LSP1: variants seen among roughly 807,000 people sequenced by gnomAD.
LSP1 encodes the protein lymphocyte specific protein 1.
Under a neutral mutation model 49.3 loss-of-function variants are expected in LSP1, and 32 were observed. The ratio of observed to expected loss-of-function variants is 0.65; its 90% CI spans 0.49 to 0.87. The LOEUF (loss-of-function observed/expected upper bound fraction) is 0.87, where lower values mean the gene tolerates loss of function less well. Ranked by LOEUF, LSP1 falls within the 40% of genes least tolerant of loss-of-function variation. LSP1 has a pLI of 0.00. For synonymous variants in LSP1, 179 were observed against 178.8 expected (o/e 1.00, Z -0.01); for missense variants, 428 against 442.6 (o/e 0.97, Z 0.30).
At chr11:1,862,778 G>GACCTTACCTCCCCTAGGTA (rs1847676710) in intron 1 of LSP1, among the ~76,000 whole-genome samples, 1 of 20,070 alleles carries the variant, frequency 5.0e-5, no homozygotes, top group Non-Finnish European at 1.0e-4. Flanking sequence ...TCCCCTGGGT[G>GACCTTACCTCCCCTAGGTA]ATCTCACCTC....
At chr11:1,885,096 A>C (rs922264672) in intron 7 of LSP1, among the ~76,000 whole-genome samples, 10 of 150,778 alleles carry the variant, frequency 6.6e-5, no homozygotes. Context: ...CCTCCATCCA[A>C]TACTACTCCA....
intron 1 of LSP1, among the ~76,000 whole-genome samples, chr11:1,859,047 G>A (rs767149283): frequency 1.3e-5 from 2 of 152,184 alleles, no homozygotes; most frequent in Non-Finnish European, 2.9e-5. Context: ...TGTATCCCCC[G>A]GCAGGAGGAG....
At chr11:1,869,662 A>G (rs545976654) in intron 1 of LSP1, 14 of 456,808 alleles carry the variant, frequency 3.1e-5, no homozygotes, top group Non-Finnish European at 6.2e-5. Context: ...TTGGTGCTCC[A>G]AAGACGGGCG....
intron 1 of LSP1, among the ~76,000 whole-genome samples, chr11:1,858,845 C>T (rs942476603): frequency 2.6e-5 from 4 of 152,180 alleles, no homozygotes; most frequent in African/African-American, 4.8e-5. Flanking sequence ...CCACCCAGCA[C>T]GGCCCCACCA....
chr11:1,889,401 G>T, intron 10 of LSP1: 1 of 693,274 alleles, frequency 1.4e-6, no homozygotes. Flanking sequence ...GGAGGTCCGG[G>T]AGGCGGGGGC....
chr11:1,875,649 G>A (rs1848275963), intron 1 of LSP1, among the ~76,000 whole-genome samples: 1 of 152,246 alleles, frequency 6.6e-6, no homozygotes, highest in South Asian at 2.1e-4. Flanking sequence ...GGACTACAAG[G>A]AAAGGGGTTG....
At chr11:1,858,273 G>T (rs1007773888) in intron 1 of LSP1, among the ~76,000 whole-genome samples, 13 of 152,136 alleles carry the variant, frequency 8.5e-5, no homozygotes, top group Non-Finnish European at 8.8e-5. Context: ...GAGGGAGCTG[G>T]GCTGGGCTGC....
At chr11:1,867,401 C>T (rs1847831048) in intron 1 of LSP1, among the ~76,000 whole-genome samples, 1 of 150,702 alleles carries the variant, frequency 6.6e-6, no homozygotes, top group African/African-American at 2.4e-5. Flanking sequence ...GTACTGCGCT[C>T]ACCACCACTG....
At chr11:1,853,365 G>T (rs1405576793) in intron 1 of LSP1, among the ~76,000 whole-genome samples, 168 bp downstream of exon 1, 1 of 152,246 alleles carries the variant, frequency 6.6e-6, no homozygotes, top group Non-Finnish European at 1.5e-5. Flanking sequence ...ACAGGTGGCA[G>T]GAAGTCTTGC....
chr11:1,875,420 C>T (rs1848267950), intron 1 of LSP1, among the ~76,000 whole-genome samples: 2 of 152,212 alleles, frequency 1.3e-5, no homozygotes, highest in South Asian at 2.1e-4. Context: ...TGAGGGTCAC[C>T]CATCCGGCTC....
At position 1,884,054 on chromosome 11, in the gene LSP1, C is replaced by A; in HGVS notation, c.591+30C>A. The A allele has an allele frequency of 1.3e-6, 2 of 1,588,134 alleles. No individual in the cohort carries two copies. Among genetic ancestry groups the A allele is most frequent in the Middle Eastern group, 1.7e-4 (1 of 5,950 alleles). ...GTTAAGCTGCAAAGCCTGCCATCTT[C>A]TCCCCTCTCCCGTACTCATACCCAA... On this transcript the variant is annotated intron_variant, in intron 5 of 10. Transcript: ENST00000311604. The surrounding 1 kb of genome is among the most constrained non-coding windows in gnomAD (Gnocchi z 4.1).
rs773127872 is a variant in LSP1, at chr11:1,867,075, G to C, written c.54-13012G>C. Among the ~76,000 whole-genome samples, 27 of 151,792 alleles carry C rather than the reference G, an allele frequency of 1.8e-4. 1 individual carries two copies. The highest frequency in any genetic ancestry group is 3.4e-4 in the Non-Finnish European group (23 of 67,902). On this transcript the variant is annotated intron_variant, in intron 1 of 10. Coordinates refer to ENST00000311604, the MANE Select transcript of LSP1 (RefSeq NM_002339.3). Reference sequence around the variant, plus strand: ...ACTGAAGCCGCGTGGGCTCAGGCTCGGGGCCAGTCCCTGTGGACCTGGGGA... The same window carrying C: ...ACTGAAGCCGCGTGGGCTCAGGCTCCGGGCCAGTCCCTGTGGACCTGGGGA...
At chr11:1,869,705 T>A in intron 1 of LSP1, 2 of 470,310 alleles carry the variant, frequency 4.3e-6, no homozygotes, top group South Asian at 3.1e-5. Flanking sequence ...GAGAAATGGA[T>A]GCTGGAGGAA....
intron 10 of LSP1, chr11:1,890,927 C>T (rs888537343): frequency 7.8e-5 from 20 of 255,428 alleles, no homozygotes; most frequent in Admixed American, 3.4e-4. Context: ...GCCGCAACAC[C>T]GTGTGGGCTG....
intron 1 of LSP1, among the ~76,000 whole-genome samples, chr11:1,856,971 G>C (rs868213281): frequency 3.9e-5 from 6 of 152,198 alleles, no homozygotes; most frequent in African/African-American, 1.4e-4. Flanking sequence ...TTAGGATTGA[G>C]GGCTAAGCCC....
chr11:1,861,226 A>T (rs1331286053), intron 1 of LSP1, among the ~76,000 whole-genome samples: 2 of 152,248 alleles, frequency 1.3e-5, no homozygotes, highest in Non-Finnish European at 2.9e-5. Context: ...CCATGAGGCT[A>T]TCATACGTAA....
In LSP1 at chr11:1,884,447, T is replaced by G. The variant is rs1589830421; in HGVS notation, c.636-53T>G. On this transcript the variant is annotated intron_variant, in intron 6 of 10. Transcript: ENST00000311604. The surrounding 1 kb of genome is among the most constrained non-coding windows in gnomAD (Gnocchi z 4.1). ...GGGCTCTGGGAGAGGCTTGGGCAGG[T>G]TGGGAGAAGCCTTGTGGGAGACATG... The G allele has an allele frequency of 6.2e-7, 1 of 1,603,104 alleles. No homozygotes were observed. The highest frequency in any genetic ancestry group is 8.5e-7 in the Non-Finnish European group (1 of 1,170,172).
At chr11:1,870,870 C>T (rs1036945024) in intron 1 of LSP1, 16 of 986,242 alleles carry the variant, frequency 1.6e-5, no homozygotes, top group African/African-American at 1.6e-4. Flanking sequence ...CTCGTGAGCA[C>T]GGCAAGAGCT....
chr11:1,887,692 G>A lies in LSP1; in HGVS notation c.*13+116G>A, dbSNP rs1848815667. 7 of 721,090 alleles carry A rather than the reference G, an allele frequency of 9.7e-6. 1 individual carries two copies. In the Middle Eastern group the frequency reaches 1.0e-3, roughly 108 times the overall value. 44.7% of individuals were successfully genotyped at this position (721,090 alleles called of 1,614,324 possible). ...GTTGCAGGCTACAAGGGTGGACTCC[G>A]AGTTGGCCAGAACCCAGACCAGCTC... On this transcript the variant is annotated intron_variant, in intron 10 of 10. Transcript: ENST00000311604.
Sources: allele counts gnomAD v4.1 joint callset (sites outside exome capture counted in the v4.1 genomes callset), GRCh38; gene constraint gnomAD v4.1.1; non-coding constraint Gnocchi (gnomAD v3.1); transcripts MANE v1.5; gene names NCBI Gene and HGNC (gene_info 2026-07-23, HGNC 2026-07-21).